ZBTB7C: variants seen among roughly 807,000 people sequenced by gnomAD.
ZBTB7C encodes the protein zinc finger and BTB domain containing 7C.
In ZBTB7C, 8 loss-of-function variants were observed where a neutral mutation model predicts 25.7. The ratio of observed to expected loss-of-function variants is 0.31; its 90% CI spans 0.18 to 0.56. The LOEUF (loss-of-function observed/expected upper bound fraction) is 0.56, where lower values mean the gene tolerates loss of function less well. Among genes scored for constraint, ZBTB7C ranks in the 20% least tolerant of loss-of-function variants. The probability of loss-of-function intolerance (pLI) is 0.91; values close to 1 mark genes in which losing one functional copy is unlikely to be tolerated. For missense variants in ZBTB7C, 824 were observed against 855.2 expected, an observed-to-expected ratio of 0.96 and a Z score of 0.46; for synonymous variants, 394 against 369.0, an observed-to-expected ratio of 1.07 and a Z score of -0.78.
intron 2 of ZBTB7C, among the ~76,000 whole-genome samples, chr18:48,335,161 C>T (rs1328758433): frequency 5.9e-5 from 9 of 152,186 alleles, no homozygotes; most frequent in African/African-American, 2.4e-5. Context: ...CAAAGTGGCC[C>T]GGTTCTCATG....
At chr18:48,085,642 C>G (rs1310736751) in intron 3 of ZBTB7C, among the ~76,000 whole-genome samples, 1 of 152,222 alleles carries the variant, frequency 6.6e-6, no homozygotes, top group Non-Finnish European at 1.5e-5. Context: ...GTACTTAGAA[C>G]AATTCCTGGC....
chr18:48,136,839 CG>C (rs1362504765), intron 3 of ZBTB7C, among the ~76,000 whole-genome samples: 4 of 152,162 alleles, frequency 2.6e-5, no homozygotes, highest in Non-Finnish European at 5.9e-5. Flanking sequence ...AGCCGCCCCG[CG>C]GCCACCCGGC....
At chr18:48,160,857 G>C (rs544177598) in intron 3 of ZBTB7C, among the ~76,000 whole-genome samples, 1 of 152,048 alleles carries the variant, frequency 6.6e-6, no homozygotes, top group African/African-American at 2.4e-5. Context: ...TCCCTGAAAG[G>C]CCTCCCCTGT....
intron 3 of ZBTB7C, among the ~76,000 whole-genome samples, chr18:48,074,481 T>C (rs1016894434): frequency 2.6e-5 from 4 of 152,216 alleles, no homozygotes; most frequent in Non-Finnish European, 4.4e-5. Context: ...ACGACTGTCA[T>C]AGGAATGGAT....
At chr18:48,190,720 C>T (rs1160753468) in intron 2 of ZBTB7C, among the ~76,000 whole-genome samples, 2 of 152,144 alleles carry the variant, frequency 1.3e-5, no homozygotes, top group African/African-American at 4.8e-5. Flanking sequence ...CCCAAGGCAC[C>T]CCAGAGAGGC....
At chr18:48,224,044 G>A (rs556322424) in intron 2 of ZBTB7C, among the ~76,000 whole-genome samples, 4 of 152,252 alleles carry the variant, frequency 2.6e-5, no homozygotes, top group South Asian at 4.1e-4. Context: ...AAAGACTGAC[G>A]GAAGTCCCAG....
At chr18:48,360,495 G>C (rs1323792540) in intron 1 of ZBTB7C, among the ~76,000 whole-genome samples, 1 of 152,238 alleles carries the variant, frequency 6.6e-6, no homozygotes, top group South Asian at 2.1e-4. Flanking sequence ...AGCGTGGGAA[G>C]AGATGCCCCT....
intron 2 of ZBTB7C, among the ~76,000 whole-genome samples, chr18:48,277,378 C>T (rs1196581826): frequency 2.0e-5 from 3 of 150,812 alleles, no homozygotes; most frequent in Non-Finnish European, 4.4e-5. Flanking sequence ...TTTATGCAGC[C>T]AAAAAACACA....
At chr18:48,139,417 A>C (rs1296509516) in intron 3 of ZBTB7C, among the ~76,000 whole-genome samples, 2 of 152,104 alleles carry the variant, frequency 1.3e-5, no homozygotes, top group East Asian at 3.9e-4. Flanking sequence ...GGAGGGGTGC[A>C]CAGAGTTGAG....
At chr18:48,035,616 G>T (rs1238428803) in intron 4 of ZBTB7C, among the ~76,000 whole-genome samples, 11 of 152,362 alleles carry the variant, frequency 7.2e-5, no homozygotes, top group African/African-American at 2.6e-4. Context: ...GGGCAAAAAG[G>T]TGTGCGGGGG....
At chr18:48,386,760 A>T (rs1179832780) in intron 1 of ZBTB7C, among the ~76,000 whole-genome samples, 1 of 152,202 alleles carries the variant, frequency 6.6e-6, no homozygotes, top group Non-Finnish European at 1.5e-5. Context: ...TTGAAAGGAA[A>T]TTCTAGCCTT....
At chr18:48,224,527 A>T (rs528465576) in intron 2 of ZBTB7C, among the ~76,000 whole-genome samples, 1 of 152,264 alleles carries the variant, frequency 6.6e-6, no homozygotes, top group East Asian at 1.9e-4. Context: ...GGCTCCACAC[A>T]CCATCTCAGA....
chr18:48,052,622 GGGAGCATGA>G (rs1168770639), intron 3 of ZBTB7C, among the ~76,000 whole-genome samples: 1 of 152,128 alleles, frequency 6.6e-6, no homozygotes. Context: ...GAGAAAGGCC[GGGAGCATGA>G]GGAGCAAAGG....
intron 2 of ZBTB7C, among the ~76,000 whole-genome samples, chr18:48,231,344 G>C (rs2043246770): frequency 6.6e-6 from 1 of 152,164 alleles, no homozygotes; most frequent in African/African-American, 2.4e-5. Flanking sequence ...TAAAAACCCT[G>C]GTCTCAGCCA....
intron 2 of ZBTB7C, among the ~76,000 whole-genome samples, chr18:48,227,770 G>C (rs2043142353): frequency 6.6e-6 from 1 of 152,146 alleles, no homozygotes. Context: ...AGGAAACATT[G>C]GGAAATTAAG....
chr18:48,207,570 CATCT>C (rs35634878), intron 2 of ZBTB7C, among the ~76,000 whole-genome samples: 11,535 of 147,052 alleles, frequency 0.078, 457 homozygotes, highest in East Asian at 0.16. Context: ...CACTGCCTAT[CATCT>C]ATCTATCTAT....
intron 2 of ZBTB7C, among the ~76,000 whole-genome samples, chr18:48,305,166 A>AG (rs1282849316): frequency 2.6e-5 from 4 of 152,240 alleles, no homozygotes; most frequent in African/African-American, 9.6e-5. Flanking sequence ...GTTCCCTGTC[A>AG]AACCTCAAAT....
chr18:48,139,319 T>C (rs2040268942), intron 3 of ZBTB7C, among the ~76,000 whole-genome samples: 2 of 151,540 alleles, frequency 1.3e-5, no homozygotes, highest in Admixed American at 1.3e-4. Flanking sequence ...AAGGAGAGAG[T>C]GCAGGGCAGA....
intron 1 of ZBTB7C, among the ~76,000 whole-genome samples, chr18:48,352,388 C>G (rs931674860): frequency 6.6e-6 from 1 of 152,230 alleles, no homozygotes; most frequent in Non-Finnish European, 1.5e-5. Context: ...GGGGCATCCG[C>G]AGTATTCCAA....
Sources: gnomAD v4.1 joint callset for allele counts (sites outside exome capture counted in the v4.1 genomes callset) on GRCh38, gnomAD v4.1.1 for gene constraint, MANE v1.5 for transcripts, NCBI Gene and HGNC (gene_info 2026-07-23, HGNC 2026-07-21) for gene names.